Variants in KHDRBS1 observed in about 807,000 individuals in gnomAD.
KHDRBS1 encodes the protein KH RNA binding domain containing, signal transduction associated 1.
Under a neutral mutation model 48.4 loss-of-function variants are expected in KHDRBS1, and 7 were observed. The observed-to-expected ratio is 0.14, with a 90% CI of 0.08 to 0.27. The LOEUF is 0.27. KHDRBS1 is among the 10% of genes least tolerant of loss of function. The pLI is 1.00. For synonymous variants in KHDRBS1, 241 were observed against 235.8 expected (o/e 1.02, Z -0.20); for missense variants, 458 against 601.2 (o/e 0.76, Z 2.49).
chr1:32,057,072 T>G (rs754630568), intron 10 of KHDRBS1, among the ~76,000 whole-genome samples: 1 of 152,144 alleles, frequency 6.6e-6, no homozygotes, highest in African/African-American at 2.4e-5. Context: ...AGCCAACATA[T>G]AAAGGAGGAC....
At chr1:32,021,790 ACAGG>A (rs1380849818) in intron 1 of KHDRBS1, among the ~76,000 whole-genome samples, 7 of 151,454 alleles carry the variant, frequency 4.6e-5, no homozygotes. Flanking sequence ...CTAATTTTTG[ACAGG>A]CAGGCGGCAC....
chr1:32,037,748 C>A, intron 5 of KHDRBS1, 87 bp from the exon 6 acceptor site: 1 of 1,451,260 alleles, frequency 6.9e-7, no homozygotes, highest in Non-Finnish European at 9.6e-7. Context: ...ATAAAATCTG[C>A]CTAATTCCAG....
chr1:32,050,623 A>G (rs1396191902), intron 10 of KHDRBS1, among the ~76,000 whole-genome samples: 1 of 151,296 alleles, frequency 6.6e-6, no homozygotes, highest in Non-Finnish European at 1.5e-5. Flanking sequence ...AGCAGTTCTC[A>G]TGCTTCACCC....
At chr1:32,032,881 G>T (rs1044316164) in intron 3 of KHDRBS1, among the ~76,000 whole-genome samples, 1 of 151,998 alleles carries the variant, frequency 6.6e-6, no homozygotes. Flanking sequence ...GTAGAGACGG[G>T]GCTTCATCAC....
chr1:32,050,328 C>T (rs893231113), intron 10 of KHDRBS1, among the ~76,000 whole-genome samples: 1 of 152,160 alleles, frequency 6.6e-6, no homozygotes, highest in African/African-American at 2.4e-5. Flanking sequence ...AATATTTTCT[C>T]CCATTCAGTG....
At chr1:32,032,489 G>C (rs767068723) in intron 3 of KHDRBS1, among the ~76,000 whole-genome samples, 3 of 152,144 alleles carry the variant, frequency 2.0e-5, no homozygotes, top group Non-Finnish European at 2.9e-5. Flanking sequence ...AGCAGAGCTC[G>C]TGGTGATTAA....
chr1:32,040,467 A>G (rs528237265), intron 8 of KHDRBS1, among the ~76,000 whole-genome samples: 17 of 152,212 alleles, frequency 1.1e-4, no homozygotes, highest in Non-Finnish European at 2.5e-4. Context: ...GGCTAGAGCC[A>G]ATAATTCAGG....
chr1:32,014,975 G>T (rs1006022139), intron 1 of KHDRBS1, among the ~76,000 whole-genome samples: 1 of 152,168 alleles, frequency 6.6e-6, no homozygotes, highest in Admixed American at 6.5e-5. Context: ...TTCCGAATCA[G>T]ATTTCCGACT....
intron 10 of KHDRBS1, among the ~76,000 whole-genome samples, chr1:32,055,808 G>C (rs1272511342): frequency 6.6e-6 from 1 of 152,034 alleles, no homozygotes; most frequent in East Asian, 1.9e-4. Flanking sequence ...TCAAGCAGGA[G>C]ACTCAACCCT....
chr1:32,040,408 C>G (rs1301610248), intron 8 of KHDRBS1, among the ~76,000 whole-genome samples: 1 of 148,886 alleles, frequency 6.7e-6, no homozygotes, highest in Non-Finnish European at 1.5e-5. Context: ...AAAAGTCCGT[C>G]TCAAAAAAAA....
chr1:32,034,748 C>T (rs1026381985), intron 4 of KHDRBS1, among the ~76,000 whole-genome samples: 5 of 151,668 alleles, frequency 3.3e-5, no homozygotes, highest in African/African-American at 9.7e-5. Context: ...AAGGCCGAGG[C>T]GGGTGGATCA....
intron 8 of KHDRBS1, among the ~76,000 whole-genome samples, chr1:32,041,242 A>G (rs1181475181): frequency 6.6e-6 from 1 of 152,212 alleles, no homozygotes; most frequent in Non-Finnish European, 1.5e-5. Context: ...CCCAGAAGCC[A>G]CTTGGAAAGT....
intron 1 of KHDRBS1, among the ~76,000 whole-genome samples, chr1:32,019,019 C>G (rs1266952516): frequency 6.6e-6 from 1 of 151,464 alleles, no homozygotes; most frequent in Non-Finnish European, 1.5e-5. Context: ...CACTTGAACC[C>G]AGGAGGTGGA....
intron 10 of KHDRBS1, among the ~76,000 whole-genome samples, chr1:32,057,084 T>C (rs186066564): frequency 6.6e-6 from 1 of 152,198 alleles, no homozygotes; most frequent in Non-Finnish European, 1.5e-5. Flanking sequence ...AAGGAGGACT[T>C]AGCTAGGCAG....
chr1:32,050,826 C>A (rs1639410430), intron 10 of KHDRBS1, among the ~76,000 whole-genome samples: 1 of 151,842 alleles, frequency 6.6e-6, no homozygotes, highest in African/African-American at 2.4e-5. Flanking sequence ...AGCTTTAATT[C>A]TTGCATTTAG....
intron 1 of KHDRBS1, among the ~76,000 whole-genome samples, chr1:32,023,451 C>G (rs77177661): frequency 6.6e-6 from 1 of 152,094 alleles, no homozygotes; most frequent in Non-Finnish European, 1.5e-5. Flanking sequence ...ATACAAAATT[C>G]CTGACGCATA....
exon 11 of KHDRBS1, chr1:32,060,467 T>C (rs1639530533): frequency 6.6e-6 from 1 of 152,074 alleles, no homozygotes; most frequent in Non-Finnish European, 1.5e-5. Context: ...AACTGGCAAC[T>C]CCTACTGTGC....
downstream of KHDRBS1, among the ~76,000 whole-genome samples, chr1:32,044,900 T>C (rs148171224): frequency 8.5e-4 from 130 of 152,380 alleles, no homozygotes; most frequent in African/African-American, 2.8e-3. Flanking sequence ...AACAATTCTT[T>C]AGCTGTTAAT....
chr1:32,026,391 C>G lies in KHDRBS1; in HGVS notation c.383-3907C>G, dbSNP rs79386006. Among the ~76,000 whole-genome samples the G allele has an allele frequency of 5.6e-3, 859 of 152,266 alleles. 9 individuals carry two copies. Among genetic ancestry groups the G allele is most frequent in the African/African-American group, 0.02 (827 of 41,530 alleles). ...CGCTCTGGTCCCAAACTCCTGGGCT[C>G]CAGTGATCCTTCTGCCTCAGCTTCC... is the stretch of plus-strand genomic sequence containing the variant. On this transcript the variant is annotated intron_variant, in intron 1 of 8. Transcript: ENST00000327300.
Sources: gnomAD v4.1 joint callset for allele counts (sites outside exome capture counted in the v4.1 genomes callset) on GRCh38, gnomAD v4.1.1 for gene constraint, MANE v1.5 for transcripts, NCBI Gene and HGNC (gene_info 2026-07-23, HGNC 2026-07-21) for gene names.